Variants in RANBP17 observed in about 807,000 individuals in gnomAD.
RANBP17 encodes RAN binding protein 17.
A neutral mutation model predicts 141.2 loss-of-function variants in RANBP17; 158 were observed. That is an observed-to-expected ratio of 1.12 (90% confidence interval 0.98 to 1.28). The LOEUF is 1.28. RANBP17 is among the 50% of genes most tolerant of loss of function. The probability of loss-of-function intolerance (pLI) is 0.00; values close to 1 mark genes in which losing one functional copy is unlikely to be tolerated. For missense variants in RANBP17, 1,438 were observed against 1,290.7 expected (o/e 1.11, Z -1.75); for synonymous variants, 430 against 450.0 (o/e 0.96, Z 0.56).
intron 14 of RANBP17, among the ~76,000 whole-genome samples, chr5:171,042,103 A>G (rs558322817): frequency 1.5e-4 from 23 of 152,194 alleles, no homozygotes; most frequent in Middle Eastern, 3.4e-3. Context: ...ATAGTATTCT[A>G]TGATATATAT....
Position 171,265,844 on chromosome 5 carries a change from G to T in RANBP17, c.2940G>T (p.Gln980His), listed in dbSNP as rs917704550. 6.2e-7 allele frequency: 1 copy of T among 1,612,430 alleles called. No homozygotes were observed. Among genetic ancestry groups the T allele is most frequent in the Non-Finnish European group, 8.5e-7 (1 of 1,179,278 alleles). Residue 980 changes from glutamine to histidine, a missense_variant, in exon 25 of 28, where the codon CAG (glutamine) becomes CAT (histidine). Physicochemically the swap from Gln to His is conservative, Grantham distance 24. Transcript: ENST00000523189. ...HFMQQNPDVL[Q>H]QMMSVLMNTI... ...TGCAGCAAAACCCAGATGTCCTGCA[G>T]CAGGTAACTGGTGGTTGATCACCTG...
chr5:171,256,115 T>C (rs1765874122), intron 24 of RANBP17, among the ~76,000 whole-genome samples: 2 of 152,220 alleles, frequency 1.3e-5, no homozygotes, highest in Admixed American at 6.5e-5. Flanking sequence ...ATAACTACTC[T>C]TGATACTTTC....
At chr5:171,231,846 A>T (rs1395998335) in intron 22 of RANBP17, among the ~76,000 whole-genome samples, 2 of 152,202 alleles carry the variant, frequency 1.3e-5, no homozygotes, top group Non-Finnish European at 2.9e-5. Context: ...TAATCTAATG[A>T]TAGAGGACAG....
At chr5:171,235,530 G>C (rs1473738382) in intron 22 of RANBP17, among the ~76,000 whole-genome samples, 1 of 152,120 alleles carries the variant, frequency 6.6e-6, no homozygotes, top group Non-Finnish European at 1.5e-5. Context: ...GTATATGTGA[G>C]TGCAAATGCT....
chr5:170,923,863 T>A (rs1025279778), intron 11 of RANBP17, among the ~76,000 whole-genome samples: 34 of 152,216 alleles, frequency 2.2e-4, no homozygotes, highest in African/African-American at 8.2e-4. Flanking sequence ...TTAGTTAAAC[T>A]TACCTATTAG....
intron 14 of RANBP17, among the ~76,000 whole-genome samples, chr5:171,104,173 G>A (rs951929036): frequency 6.6e-6 from 1 of 152,116 alleles, no homozygotes. Context: ...GAGTAGCTGG[G>A]GTTACAGGCA....
At chr5:171,041,228 TATTA>T (rs1782231277) in intron 14 of RANBP17, among the ~76,000 whole-genome samples, 2 of 152,108 alleles carry the variant, frequency 1.3e-5, no homozygotes, top group Non-Finnish European at 2.9e-5. Flanking sequence ...GGGGTCATGT[TATTA>T]ATTATTTGTT....
At chr5:171,054,194 GT>G (rs1314228521) in intron 14 of RANBP17, among the ~76,000 whole-genome samples, 1 of 151,836 alleles carries the variant, frequency 6.6e-6, no homozygotes, top group East Asian at 1.9e-4. Context: ...GTTTGGTTTT[GT>G]TTTCGGGGGT....
At chr5:171,087,664 T>C (rs1412999096) in intron 14 of RANBP17, among the ~76,000 whole-genome samples, 1 of 151,710 alleles carries the variant, frequency 6.6e-6, no homozygotes, top group African/African-American at 2.4e-5. Flanking sequence ...TGGGTGCATA[T>C]ATATTTAGGA....
intron 20 of RANBP17, among the ~76,000 whole-genome samples, chr5:171,213,412 T>C (rs1343285542): frequency 2.0e-5 from 3 of 152,082 alleles, no homozygotes; most frequent in Non-Finnish European, 2.9e-5. Flanking sequence ...ATGTTACAAA[T>C]AAGAACAAAT....
intron 14 of RANBP17, among the ~76,000 whole-genome samples, chr5:171,070,764 T>C (rs1464259792): frequency 6.6e-6 from 1 of 152,064 alleles, no homozygotes; most frequent in African/African-American, 2.4e-5. Flanking sequence ...GTTTTCTGAG[T>C]TAATCTGCAT....
intron 14 of RANBP17, among the ~76,000 whole-genome samples, chr5:171,141,621 CAAAAAA>C (rs10691735): frequency 2.4e-4 from 13 of 55,316 alleles, no homozygotes; most frequent in African/African-American, 6.5e-4. Flanking sequence ...GACTCCATCT[CAAAAAA>C]AAAAAAAAAA....
At chr5:171,135,317 T>A (rs1757200326) in intron 14 of RANBP17, among the ~76,000 whole-genome samples, 1 of 151,550 alleles carries the variant, frequency 6.6e-6, no homozygotes, top group Non-Finnish European at 1.5e-5. Context: ...TAAAAAGTTA[T>A]GATTTCTTAT....
intron 27 of RANBP17, among the ~76,000 whole-genome samples, chr5:171,296,611 T>TATC (rs1194694306): frequency 6.6e-6 from 1 of 152,222 alleles, no homozygotes; most frequent in African/African-American, 2.4e-5. Context: ...AAATATTATG[T>TATC]ATCAATTAAA....
At chr5:171,036,427 AC>A (rs1375729219) in intron 14 of RANBP17, among the ~76,000 whole-genome samples, 1 of 151,818 alleles carries the variant, frequency 6.6e-6, no homozygotes. Flanking sequence ...TTTTGTTCTT[AC>A]AATTTTCTAT....
chr5:170,918,722 G>T lies in RANBP17; in HGVS notation c.964G>T (p.Asp322Tyr). The T allele has an allele frequency of 6.2e-7, 1 of 1,603,230 alleles. No homozygotes were observed. Among genetic ancestry groups the T allele is most frequent in the South Asian group, 1.1e-5 (1 of 89,268 alleles). Residue 322 changes from aspartate to tyrosine, a missense_variant, in exon 10 of 28, where the codon GAT becomes TAT. Asp to Tyr is a radical substitution (Grantham distance 160, BLOSUM62 -3). Transcript: ENST00000523189. ...RILENPQGLS[D>Y]PGNYHEFCRF... ...TTGTCTCATAATTTAGGGTTTGTCT[G>T]ATCCAGGTAATTATCATGAATTTTG...
chr5:170,968,264 A>C lies in RANBP17; in HGVS notation c.1597A>C (p.Met533Leu). Reference protein sequence around the residue: ...SCRVFQLISLMDTGLPRCCNE... With the variant: ...SCRVFQLISLLDTGLPRCCNE... ...AAGAGTTTTTCAGCTTATATCTTTA[A>C]TGGATACCGGATTGCCTCGATGTTG... Residue 533 changes from methionine to leucine, a missense_variant, in exon 14 of 28, where the codon ATG (methionine) becomes CTG (leucine). Met to Leu is a conservative substitution (Grantham distance 15). Transcript: ENST00000523189. The C allele has an allele frequency of 6.3e-7, 1 of 1,590,560 alleles. No individual in the cohort carries two copies.
chr5:170,869,283 A>G (rs1181484242), intron 1 of RANBP17, among the ~76,000 whole-genome samples: 3 of 149,644 alleles, frequency 2.0e-5, no homozygotes, highest in Admixed American at 1.3e-4. Context: ...GTGCCATTAA[A>G]TTGATTACTA....
chr5:171,135,889 A>G (rs1757242438), intron 14 of RANBP17, among the ~76,000 whole-genome samples: 1 of 152,184 alleles, frequency 6.6e-6, no homozygotes, highest in Non-Finnish European at 1.5e-5. Flanking sequence ...TACATGACTA[A>G]TGGCAACCTC....
Sources: allele counts gnomAD v4.1 joint callset (sites outside exome capture counted in the v4.1 genomes callset), GRCh38; gene constraint gnomAD v4.1.1; transcripts MANE v1.5; gene names NCBI Gene and HGNC (gene_info 2026-07-23, HGNC 2026-07-21).